The following CLRN1 variants were observed in gnomAD, a reference collection of about 807,000 sequenced individuals.
CLRN1 encodes clarin 1, also known as clarin-1.
A neutral mutation model predicts 18.7 loss-of-function variants in CLRN1; 15 were observed. That is an observed-to-expected ratio of 0.80 (90% CI 0.54 to 1.23). CLRN1 has a LOEUF of 1.23. Among genes scored for constraint, CLRN1 ranks in the 50% most tolerant of loss-of-function variants. The pLI, the probability that CLRN1 is intolerant of heterozygous loss-of-function variation, is 0.00. For missense variants in CLRN1, 311 were observed against 277.5 expected, an observed-to-expected ratio of 1.12 and a Z score of -0.86; for synonymous variants, 104 against 102.9, an observed-to-expected ratio of 1.01 and a Z score of -0.07.
intron 1 of CLRN1, among the ~76,000 whole-genome samples, chr3:150,956,156 A>G (rs916414252): frequency 6.6e-6 from 1 of 152,196 alleles, no homozygotes; most frequent in African/African-American, 2.4e-5. Flanking sequence ...TTCCAGGAAC[A>G]TCTCTAAGCA....
intron 2 of CLRN1, among the ~76,000 whole-genome samples, chr3:150,932,780 G>T (rs1055533932): frequency 3.3e-5 from 5 of 152,226 alleles, no homozygotes; most frequent in African/African-American, 1.2e-4. Context: ...CACTGCTCCA[G>T]AGACCGATGG....
At chr3:150,969,075 T>C (rs1049613730) in intron 1 of CLRN1, among the ~76,000 whole-genome samples, 4 of 150,164 alleles carry the variant, frequency 2.7e-5, no homozygotes, top group Non-Finnish European at 5.9e-5. Flanking sequence ...GTAATGTAAA[T>C]GTAAAATACA....
At chr3:150,964,490 A>G (rs1003378353) in intron 1 of CLRN1, among the ~76,000 whole-genome samples, 7 of 152,216 alleles carry the variant, frequency 4.6e-5, no homozygotes, top group African/African-American at 1.7e-4. Context: ...TGTGGAAGAC[A>G]GTGTGGCAAT....
At chr3:150,964,898 C>G (rs1010554159) in intron 1 of CLRN1, among the ~76,000 whole-genome samples, 1 of 151,398 alleles carries the variant, frequency 6.6e-6, no homozygotes, top group Non-Finnish European at 1.5e-5. Context: ...CGGGGCTTGT[C>G]GGTGGGTGGG....
chr3:150,946,704 C>CTTTTT (rs34471891), intron 1 of CLRN1, among the ~76,000 whole-genome samples: 6 of 110,702 alleles, frequency 5.4e-5, no homozygotes, highest in East Asian at 2.5e-4. Flanking sequence ...CAGACCATTT[C>CTTTTT]TTTTTTTTTT....
chr3:150,965,943 G>A (rs967575318), intron 1 of CLRN1, among the ~76,000 whole-genome samples: 31 of 152,332 alleles, frequency 2.0e-4, no homozygotes, highest in African/African-American at 7.2e-4. Context: ...AGAACCAGAA[G>A]TTCCTTTGCT....
rs764599499 is a variant in CLRN1, at chr3:150,927,876, A to G, written c.*60T>C. 17 of 1,596,174 alleles carry G rather than the reference A, an allele frequency of 1.1e-5. No homozygotes were observed. Among genetic ancestry groups the G allele is most frequent in the South Asian group, 4.4e-5 (4 of 90,468 alleles). On this transcript the variant is annotated 3_prime_UTR_variant, in exon 3 of 3. Transcript: ENST00000327047. ...ACTAAAAGGATATGCAAAATTAACC[A>G]CATCTAAAAGTGACCAAAGCAAGTC...
chr3:150,942,255 CA>C (rs1165300983), intron 1 of CLRN1, among the ~76,000 whole-genome samples: 1 of 152,138 alleles, frequency 6.6e-6, no homozygotes, highest in Non-Finnish European at 1.5e-5. Context: ...GAGATATTTT[CA>C]GTCAACTTCA....
intron 1 of CLRN1, among the ~76,000 whole-genome samples, chr3:150,969,292 A>AATATATATATATATATATATATAT (rs766087778): frequency 2.4e-4 from 15 of 61,398 alleles, no homozygotes; most frequent in African/African-American, 7.7e-4. Context: ...TGTGGCTTGT[A>AATATATATATATATATATATATAT]ATATATATAT....
At chr3:150,939,752 A>T (rs926149101) in intron 2 of CLRN1, among the ~76,000 whole-genome samples, 26 of 152,270 alleles carry the variant, frequency 1.7e-4, no homozygotes, top group Middle Eastern at 3.4e-3. Context: ...GTAAAACAGC[A>T]CACCACCCGG....
chr3:150,933,802 T>C (rs914458867), intron 2 of CLRN1, among the ~76,000 whole-genome samples: 1 of 152,180 alleles, frequency 6.6e-6, no homozygotes, highest in Non-Finnish European at 1.5e-5. Context: ...TGGACATGAA[T>C]GACCTGGAAT....
chr3:150,967,796 T>C (rs1325062887), intron 1 of CLRN1, among the ~76,000 whole-genome samples: 1 of 152,012 alleles, frequency 6.6e-6, no homozygotes, highest in Non-Finnish European at 1.5e-5. Context: ...AGATAGAGAG[T>C]GCCAACTCTC....
At chr3:150,959,875 C>T (rs867338500) in intron 1 of CLRN1, among the ~76,000 whole-genome samples, 8 of 152,252 alleles carry the variant, frequency 5.3e-5, no homozygotes, top group Middle Eastern at 6.8e-3. Context: ...GTCTAACAGT[C>T]ATATCTCTTA....
At position 150,964,581 on chromosome 3, in the gene CLRN1, T is replaced by C. The variant is rs183077394; in HGVS notation, c.253+7875A>G. 5.7e-3 allele frequency among the ~76,000 whole-genome samples: 862 copies of C among 152,286 alleles called. 6 individuals are homozygous for C. Among genetic ancestry groups the C allele is most frequent in the African/African-American group, 0.019 (770 of 41,534 alleles). ...TCTATACCCAAAGGATTATAAATCATTCTACTATAAAGACATATGCCCACA... is the reference window on the plus strand; with the variant it reads ...TCTATACCCAAAGGATTATAAATCACTCTACTATAAAGACATATGCCCACA... On this transcript the variant is annotated intron_variant, in intron 1 of 2. Coordinates refer to ENST00000327047, the MANE Select transcript of CLRN1 (RefSeq NM_174878.3).
chr3:150,947,022 T>C (rs1714213672), intron 1 of CLRN1, among the ~76,000 whole-genome samples: 1 of 151,598 alleles, frequency 6.6e-6, no homozygotes, highest in Non-Finnish European at 1.5e-5. Flanking sequence ...GGACATGGAC[T>C]GAGTATTAGA....
chr3:150,944,262 A>G (rs1184513182), intron 1 of CLRN1: 5 of 284,164 alleles, frequency 1.8e-5, no homozygotes, highest in Non-Finnish European at 3.5e-5. Context: ...TGCTGGGAAC[A>G]GATTGTTGTA....
chr3:150,943,982 A>G (rs1714016160), intron 1 of CLRN1: 1 of 1,375,240 alleles, frequency 7.3e-7, no homozygotes, highest in African/African-American at 1.4e-5. Flanking sequence ...GAAGGGGTCA[A>G]GAAAATAGCC....
intron 1 of CLRN1, among the ~76,000 whole-genome samples, chr3:150,959,604 G>A (rs1714926051): frequency 6.7e-6 from 1 of 149,232 alleles, no homozygotes; most frequent in Admixed American, 6.7e-5. Flanking sequence ...CCTCCAGCCT[G>A]GACGACACAG....
intron 1 of CLRN1, among the ~76,000 whole-genome samples, chr3:150,970,007 A>G (rs1715456200): frequency 6.6e-6 from 1 of 152,202 alleles, no homozygotes; most frequent in Non-Finnish European, 1.5e-5. Context: ...TGTGAATTCA[A>G]ATGTTTGCTT....
Sources: allele counts gnomAD v4.1 joint callset (sites outside exome capture counted in the v4.1 genomes callset), GRCh38; gene constraint gnomAD v4.1.1; transcripts MANE v1.5; gene names NCBI Gene and HGNC (gene_info 2026-07-23, HGNC 2026-07-21).